DOCK10: variants seen among roughly 807,000 people sequenced by gnomAD.
The protein encoded by DOCK10 is dedicator of cytokinesis 10.
A neutral mutation model predicts 280.1 loss-of-function variants in DOCK10; 145 were observed. The observed-to-expected ratio is 0.52, with a 90% CI of 0.45 to 0.59. The LOEUF is 0.59. Ranked by LOEUF, DOCK10 falls within the 20% of genes least tolerant of loss-of-function variation. The pLI, the probability that DOCK10 is intolerant of heterozygous loss-of-function variation, is 0.00. For missense variants in DOCK10, 2,368 were observed against 2,651.7 expected (o/e 0.89, Z 2.35); for synonymous variants, 915 against 942.2 (o/e 0.97, Z 0.53).
intron 7 of DOCK10, among the ~76,000 whole-genome samples, chr2:224,885,016 T>C (rs868474144): frequency 6.6e-6 from 1 of 152,288 alleles, no homozygotes; most frequent in South Asian, 2.1e-4. Flanking sequence ...TGTTTGTTTT[T>C]TGAGACAGAG....
intron 30 of DOCK10, among the ~76,000 whole-genome samples, 175 bp from the exon 31 acceptor site, chr2:224,814,539 T>G (rs953658931): frequency 6.6e-6 from 1 of 152,180 alleles, no homozygotes; most frequent in Non-Finnish European, 1.5e-5. Context: ...CCTTTTTTTT[T>G]GAAACAGAAT....
intron 7 of DOCK10, among the ~76,000 whole-genome samples, chr2:224,882,471 GTC>G (rs771109357): frequency 2.6e-5 from 4 of 152,100 alleles, no homozygotes; most frequent in Non-Finnish European, 5.9e-5. Flanking sequence ...ATTACCTAAA[GTC>G]TCTGAGAAAG....
intron 1 of DOCK10, chr2:224,983,542 T>C (rs1705855921): frequency 4.2e-6 from 1 of 239,486 alleles, no homozygotes; most frequent in Non-Finnish European, 8.7e-6. Context: ...TCTGGGCTCC[T>C]CGGCGTGAAG....
At chr2:225,023,672 C>T (rs151331405) in intron 1 of DOCK10, among the ~76,000 whole-genome samples, 392 of 152,104 alleles carry the variant, frequency 2.6e-3, no homozygotes, top group African/African-American at 8.5e-3. Flanking sequence ...AGCAGGGCTC[C>T]CCTAGAAAAG....
At chr2:224,891,073 T>TGATG (rs368721844) in intron 4 of DOCK10, among the ~76,000 whole-genome samples, 9,229 of 151,802 alleles carry the variant, frequency 0.061, 309 homozygotes, top group South Asian at 0.087. Flanking sequence ...GAAGGATGGA[T>TGATG]GATGGATGGA....
intron 48 of DOCK10, among the ~76,000 whole-genome samples, chr2:224,788,130 G>A (rs906234792): frequency 1.3e-5 from 2 of 151,890 alleles, no homozygotes; most frequent in African/African-American, 4.8e-5. Flanking sequence ...AACTGTATAT[G>A]ATACCTAGAT....
chr2:224,935,705 A>G (rs933453129), intron 1 of DOCK10, among the ~76,000 whole-genome samples: 4 of 152,310 alleles, frequency 2.6e-5, no homozygotes, highest in Admixed American at 6.5e-5. Context: ...TCATTATCCA[A>G]GTGTTAATAG....
intron 2 of DOCK10, among the ~76,000 whole-genome samples, chr2:224,921,780 T>C (rs1701766546): frequency 6.6e-6 from 1 of 152,150 alleles, no homozygotes; most frequent in Admixed American, 6.6e-5. Context: ...TGTATTTTAT[T>C]ATAATGCTGG....
At chr2:224,950,006 G>C (rs1403847758) in intron 1 of DOCK10, among the ~76,000 whole-genome samples, 2 of 152,210 alleles carry the variant, frequency 1.3e-5, no homozygotes, top group African/African-American at 4.8e-5. Context: ...GAAGTCAGGA[G>C]CTAGTTCATG....
rs187995635 is a variant in DOCK10 at position 224,843,080 on chromosome 2, C to T, written c.2569-1184G>A. ...ATAGCCACGGTGCGGGTGGGGGTGG[C>T]GGGGAAAGGGGAGTGCAATTACTCC... On this transcript the variant is annotated intron_variant, in intron 22 of 55. Transcript: ENST00000258390. Among the ~76,000 whole-genome samples, 453 of 151,646 alleles carry T rather than the reference C, an allele frequency of 3.0e-3. 2 individuals carry two copies. The highest frequency in any genetic ancestry group is 9.8e-3 in the African/African-American group (406 of 41,430).
chr2:224,860,797 G>A lies in DOCK10; in HGVS notation c.1685+1867C>T, dbSNP rs182382986. 1.6e-3 allele frequency: 251 copies of A among 152,302 alleles called. 2 individuals carry two copies. The highest frequency in any genetic ancestry group is 0.014 in the Middle Eastern group (4 of 294). The allele number at this position is 152,302 out of a possible 1,614,324, so 9.4% of individuals were successfully genotyped here. A position where few individuals can be genotyped will look rare whatever the true frequency, so the allele number is the denominator to read the frequency against. On this transcript the variant is annotated intron_variant, in intron 14 of 55. Coordinates refer to ENST00000258390, the MANE Select transcript of DOCK10 (RefSeq NM_014689.3). The stretch of plus-strand genomic sequence containing the variant: ...TCACTATGTTGCCCAGGCTGGTCTA[G>A]AATTCCTGACCTTAAGTGAACCTCC...
At chr2:224,792,446 G>C (rs887086834) in intron 47 of DOCK10, among the ~76,000 whole-genome samples, 1 of 152,054 alleles carries the variant, frequency 6.6e-6, no homozygotes, top group Non-Finnish European at 1.5e-5. Flanking sequence ...ACCATGCCCA[G>C]CTAAATTTTG....
Position 224,845,218 on chromosome 2 carries a change from A to G in DOCK10, c.2466T>C (p.Asp822=), listed in dbSNP as rs1274375573. The G allele has an allele frequency of 1.3e-6, 2 of 1,577,670 alleles. No individual in the cohort carries two copies. The highest frequency in any genetic ancestry group is 1.7e-6 in the Non-Finnish European group (2 of 1,159,902). Residue 822 remains aspartate, a synonymous_variant, in exon 21 of 56, where the codon GAT becomes GAC. Coordinates refer to ENST00000258390, the MANE Select transcript of DOCK10 (RefSeq NM_014689.3). ...SLPPNYLSFQ[D]SASGKHGGSD... Reference sequence around the variant, plus strand: ...TATTCAATACCTTTCCACTTGCAGAATCTTGAAAGCTTAAATAATTAGGAG... The same window carrying G: ...TATTCAATACCTTTCCACTTGCAGAGTCTTGAAAGCTTAAATAATTAGGAG...
In DOCK10 at chr2:224,970,287, G is replaced by C. The variant is rs79262189; in HGVS notation, c.124-38619C>G. ...AGAGGTGCAGTCCCTCAGTGATCCA[G>C]GCACTGTGATCAGTGTTTTTACTCA... is the stretch of plus-strand genomic sequence containing the variant. On this transcript the variant is annotated intron_variant, in intron 1 of 55. Coordinates refer to ENST00000258390, the MANE Select transcript of DOCK10 (RefSeq NM_014689.3). This position sits in a 1 kb window ranked among gnomAD's most constrained non-coding sequence, Gnocchi z 4.6. Among the ~76,000 whole-genome samples the C allele has an allele frequency of 0.015, 2,293 of 152,258 alleles. 70 individuals are homozygous for C. Among genetic ancestry groups the C allele is most frequent in the African/African-American group, 0.052 (2,168 of 41,550 alleles).
intron 3 of DOCK10, among the ~76,000 whole-genome samples, chr2:224,898,430 T>A (rs1211864187): frequency 6.6e-6 from 1 of 152,028 alleles, no homozygotes; most frequent in Non-Finnish European, 1.5e-5. Context: ...GACAGACGAA[T>A]GTAGAGAAGA....
chr2:225,011,991 A>T (rs969991217), intron 1 of DOCK10, among the ~76,000 whole-genome samples: 2 of 152,166 alleles, frequency 1.3e-5, no homozygotes, highest in African/African-American at 4.8e-5. Context: ...TTCTAAATTC[A>T]TTCAGCAGAG....
rs1690382372 is a variant in DOCK10, at chr2:224,770,727, C to T, written c.6205-82G>A. On this transcript the variant is annotated intron_variant, in intron 53 of 55. Transcript: ENST00000258390. The surrounding 1 kb of genome is among the most constrained non-coding windows in gnomAD (Gnocchi z 4.5). ...CCGCTGGAAGAGGAGCAACTGTGCA[C>T]CAATGGTGTGGTACCCCCATCTCAC... 1 of 1,001,154 alleles carries T rather than the reference C, an allele frequency of 1.0e-6. No individual in the cohort carries two copies. The highest frequency in any genetic ancestry group is 1.3e-5 in the South Asian group (1 of 74,530). 62.0% of individuals were successfully genotyped at this position (1,001,154 alleles called of 1,614,324 possible).
intron 1 of DOCK10, among the ~76,000 whole-genome samples, chr2:225,004,205 T>C (rs1706512583): frequency 6.6e-6 from 1 of 152,246 alleles, no homozygotes; most frequent in Non-Finnish European, 1.5e-5. Context: ...TGAAATCCTC[T>C]TGGATTATTT....
intron 1 of DOCK10, among the ~76,000 whole-genome samples, chr2:224,933,936 C>A (rs1468624659): frequency 6.6e-6 from 1 of 152,240 alleles, no homozygotes; most frequent in South Asian, 2.1e-4. Context: ...ACAAGAAGAT[C>A]TTTCAAAGAA....
Sources: gnomAD v4.1 joint callset for allele counts (sites outside exome capture counted in the v4.1 genomes callset) on GRCh38, gnomAD v4.1.1 for gene constraint, Gnocchi (gnomAD v3.1) non-coding constraint, MANE v1.5 for transcripts, NCBI Gene and HGNC (gene_info 2026-07-23, HGNC 2026-07-21) for gene names.